Variants in DOP1A observed in about 807,000 individuals in gnomAD.
The protein encoded by DOP1A is protein DOP1A.
DOP1A carries 90 observed loss-of-function variants against 267.6 expected under a neutral mutation model. The ratio of observed to expected loss-of-function variants is 0.34; its 90% confidence interval spans 0.28 to 0.40. The LOEUF is 0.40. Among genes scored for constraint, DOP1A ranks in the 10% least tolerant of loss-of-function variants. The probability of loss-of-function intolerance (pLI) is 1.00; values close to 1 mark genes in which losing one functional copy is unlikely to be tolerated. For missense variants in DOP1A, 2,437 were observed against 2,900.4 expected (o/e 0.84, Z 3.67); for synonymous variants, 932 against 999.1 (o/e 0.93, Z 1.27).
intron 38 of DOP1A, chr6:83,165,069 A>G (rs1371871835): frequency 9.6e-6 from 2 of 209,160 alleles, no homozygotes; most frequent in African/African-American, 2.4e-5. Context: ...AGTTAGCTAT[A>G]TAGAGGGTAC....
chr6:83,140,376 TA>T lies in DOP1A; in HGVS notation c.5389del (p.Thr1797ProfsTer11), dbSNP rs1169839832. On this transcript the variant is annotated frameshift_variant, in exon 23 of 39. Transcript: ENST00000349129. LOFTEE classifies it high-confidence loss of function. ...TGACTATTGCCGCATCCGCATCTCT[TA>T]CCACTATTAATCTTGGAGCTACAAA... is the stretch of plus-strand genomic sequence containing the variant. ...KMTIAASASL[T>X]TINLGATKNL... 1.9e-6 allele frequency: 3 copies of T among 1,610,864 alleles called. No individual in the cohort carries two copies. Among genetic ancestry groups the T allele is most frequent in the Non-Finnish European group, 2.5e-6 (3 of 1,179,270 alleles).
chr6:83,119,969 A>G (rs1162720578), intron 9 of DOP1A, 112 bp downstream of exon 9: 3 of 743,006 alleles, frequency 4.0e-6, no homozygotes, highest in East Asian at 5.9e-5. Flanking sequence ...GGTGGAGACA[A>G]GACTTACAAA....
chr6:83,081,415 A>G (rs1158578676), intron 1 of DOP1A, among the ~76,000 whole-genome samples: 1 of 152,184 alleles, frequency 6.6e-6, no homozygotes, highest in East Asian at 1.9e-4. Flanking sequence ...CCCTACAACC[A>G]ACTGGTTTTT....
At position 83,139,153 on chromosome 6, in the gene DOP1A, CTGAT is replaced by C; in HGVS notation, c.5112_5115del (p.Asp1705ValfsTer14). 1 of 1,609,678 alleles carries C rather than the reference CTGAT, an allele frequency of 6.2e-7. No homozygotes were observed. ...CAGTACAAATACGAAACAGGATTAT[CTGAT>C]AGTAGGTAAGAGGTGATTTTTAACT... On this transcript the variant is annotated frameshift_variant, in exon 21 of 39. Coordinates refer to ENST00000349129, the MANE Select transcript of DOP1A (RefSeq NM_015018.4). LOFTEE classifies it high-confidence loss of function.
intron 7 of DOP1A, among the ~76,000 whole-genome samples, chr6:83,115,773 G>A (rs948755660): frequency 6.6e-5 from 10 of 152,018 alleles, no homozygotes; most frequent in South Asian, 4.1e-4. Flanking sequence ...TATAGTTACC[G>A]TGTTGTACCG....
At chr6:83,155,246 G>A (rs553327822) in intron 33 of DOP1A, among the ~76,000 whole-genome samples, 7 of 150,842 alleles carry the variant, frequency 4.6e-5, no homozygotes, top group African/African-American at 1.7e-4. Flanking sequence ...AGGATTGTTT[G>A]AGGCCAGGAG....
chr6:83,158,543 C>T (rs780757941), intron 35 of DOP1A, 24 bp from the exon 36 acceptor site: 17 of 1,545,300 alleles, frequency 1.1e-5, no homozygotes, highest in African/African-American at 2.7e-5. Context: ...TTTAAATAAA[C>T]ATTTAACATT....
Position 83,163,045 on chromosome 6 carries a change from C to T in DOP1A, c.7092+126C>T. On this transcript the variant is annotated intron_variant, in intron 38 of 38. Transcript: ENST00000349129. ...TTGAGCTATTTTGAAAACAAGTCCC[C>T]AGTTTTGAGAGTTAATGTCCATAAG... The T allele has an allele frequency of 8.4e-6, 9 of 1,077,148 alleles. No homozygotes were observed. The South Asian group carries it at 1.8e-4, about 21-fold the overall frequency. The allele number at this position is 1,077,148 out of a possible 1,614,324, so 66.7% of individuals were successfully genotyped here.
chr6:83,101,202 G>C (rs1038115719), intron 4 of DOP1A, among the ~76,000 whole-genome samples: 1 of 152,128 alleles, frequency 6.6e-6, no homozygotes, highest in African/African-American at 2.4e-5. Flanking sequence ...ATTTTTAGTA[G>C]AGACGGGGTT....
intron 25 of DOP1A, among the ~76,000 whole-genome samples, chr6:83,146,148 A>T (rs1249711913): frequency 6.6e-6 from 1 of 152,230 alleles, no homozygotes; most frequent in Admixed American, 6.5e-5. Flanking sequence ...TATGAATGAC[A>T]TAGTCTCTGC....
chr6:83,081,935 C>T lies in DOP1A; in HGVS notation c.-147+14156C>T, dbSNP rs79530764. Among the ~76,000 whole-genome samples the T allele has an allele frequency of 4.0e-3, 608 of 152,256 alleles. 2 individuals carry two copies. The highest frequency in any genetic ancestry group is 0.014 in the African/African-American group (576 of 41,548). On this transcript the variant is annotated intron_variant, in intron 1 of 38. Transcript: ENST00000349129. ...AACAGGTATATGAAAAAAGGCTCAA[C>T]GTCACTAATCATCAGGTAACTGCAA...
At chr6:83,160,836 C>A (rs1689485921) in intron 37 of DOP1A, among the ~76,000 whole-genome samples, 1 of 151,932 alleles carries the variant, frequency 6.6e-6, no homozygotes, top group African/African-American at 2.4e-5. Context: ...TGCTACTGAG[C>A]TTTTTCTCTT....
chr6:83,068,922 G>C (rs1056969263), intron 1 of DOP1A, among the ~76,000 whole-genome samples: 5 of 152,158 alleles, frequency 3.3e-5, no homozygotes, highest in Non-Finnish European at 7.3e-5. Flanking sequence ...AAATCTCCAC[G>C]TGGGCTTGAT....
At chr6:83,140,489 G>A (rs1779435696) in intron 23 of DOP1A, 86 bp downstream of exon 23, 3 of 1,141,578 alleles carry the variant, frequency 2.6e-6, no homozygotes, top group Non-Finnish European at 3.7e-6. Context: ...AATAATTTGT[G>A]TAGTATTTAC....
At chr6:83,081,391 G>A (rs1768046478) in intron 1 of DOP1A, among the ~76,000 whole-genome samples, 5 of 152,158 alleles carry the variant, frequency 3.3e-5, no homozygotes, top group Admixed American at 2.6e-4. Context: ...ACAGGTGTGA[G>A]CCACCATGCC....
At chr6:83,149,846 G>T (rs1243505392) in intron 27 of DOP1A, among the ~76,000 whole-genome samples, 3 of 152,200 alleles carry the variant, frequency 2.0e-5, no homozygotes, top group Non-Finnish European at 2.9e-5. Context: ...TGATTGTCCA[G>T]AACCAAAGGG....
intron 24 of DOP1A, among the ~76,000 whole-genome samples, chr6:83,144,275 G>C (rs1780115242): frequency 6.6e-6 from 1 of 152,110 alleles, no homozygotes; most frequent in Non-Finnish European, 1.5e-5. Flanking sequence ...GGTAACAGGA[G>C]AGATATCAAG....
chr6:83,110,828 C>T (rs772821847), intron 6 of DOP1A, among the ~76,000 whole-genome samples: 31 of 152,090 alleles, frequency 2.0e-4, no homozygotes, highest in Middle Eastern at 3.2e-3. Context: ...TATGACATTA[C>T]TGATATTTTA....
At position 83,103,604 on chromosome 6, in the gene DOP1A, A is replaced by G. The variant is rs1005614557; in HGVS notation, c.320+2718A>G. Among the ~76,000 whole-genome samples, 4 of 152,144 alleles carry G rather than the reference A, an allele frequency of 2.6e-5. No individual in the cohort carries two copies. The East Asian group carries it at 5.8e-4, about 22-fold the overall frequency. ...TCCCCACTTATTAGGTCTTCCCACT[A>G]TGGCTTCTCCATCTCTTAACCATTT... On this transcript the variant is annotated intron_variant, in intron 4 of 38. Transcript: ENST00000349129.
Sources: allele counts gnomAD v4.1 joint callset (sites outside exome capture counted in the v4.1 genomes callset), GRCh38; gene constraint gnomAD v4.1.1; transcripts MANE v1.5; gene names NCBI Gene and HGNC (gene_info 2026-07-23, HGNC 2026-07-21).